CSMD1: variants seen among roughly 807,000 people sequenced by gnomAD.
The protein encoded by CSMD1 is CUB and sushi domain-containing protein 1.
A neutral mutation model predicts 417.5 loss-of-function variants in CSMD1; 213 were observed. That is an observed-to-expected ratio of 0.51 (90% CI 0.46 to 0.57). CSMD1 has a LOEUF of 0.57. Among genes scored for constraint, CSMD1 ranks in the 20% least tolerant of loss-of-function variants. CSMD1 has a pLI of 0.00. For synonymous variants in CSMD1, 2,862 were observed against 1,736.8 expected, an observed-to-expected ratio of 1.65 and a Z score of -16.11; for missense variants, 6,923 against 4,529.7, an observed-to-expected ratio of 1.53 and a Z score of -15.17.
In CSMD1 at chr8:3,276,521, T is replaced by C. The variant is rs542144304; in HGVS notation, c.4153+7623A>G. 1.4e-4 allele frequency among the ~76,000 whole-genome samples: 21 copies of C among 152,158 alleles called. No individual in the cohort carries two copies. The South Asian group carries it at 1.7e-3, about 12-fold the overall frequency. On this transcript the variant is annotated intron_variant, in intron 26 of 69. Coordinates refer to ENST00000635120, the MANE Select transcript of CSMD1 (RefSeq NM_033225.6). ...GAGATCTCATGAGTCTTATTCACTA[T>C]CATGAGAACAGCAGAAGAAAGACCT...
intron 1 of CSMD1, among the ~76,000 whole-genome samples, chr8:4,984,850 A>T (rs1289432395): frequency 6.6e-6 from 1 of 152,046 alleles, no homozygotes; most frequent in Non-Finnish European, 1.5e-5. Flanking sequence ...TAAAAAACAC[A>T]CCCCTGGGTG....
chr8:4,906,874 A>G (rs1333844603), intron 1 of CSMD1, among the ~76,000 whole-genome samples: 1 of 152,062 alleles, frequency 6.6e-6, no homozygotes, highest in African/African-American at 2.4e-5. Context: ...TTCTTTTTTC[A>G]AAGTACCTTT....
At chr8:4,189,653 A>G (rs1206863499) in intron 3 of CSMD1, among the ~76,000 whole-genome samples, 1 of 152,232 alleles carries the variant, frequency 6.6e-6, no homozygotes, top group East Asian at 1.9e-4. Flanking sequence ...GATGTTCTAA[A>G]CCCTTATTTA....
chr8:4,164,859 A>G (rs1419660268), intron 3 of CSMD1, among the ~76,000 whole-genome samples: 1 of 144,396 alleles, frequency 6.9e-6, no homozygotes, highest in Non-Finnish European at 1.5e-5. Flanking sequence ...CCTGAGCAAC[A>G]GAGCAAGACT....
chr8:3,420,536 G>T (rs1429050239), intron 12 of CSMD1, among the ~76,000 whole-genome samples: 1 of 149,432 alleles, frequency 6.7e-6, no homozygotes, highest in Non-Finnish European at 1.5e-5. Flanking sequence ...TAGGGAAACT[G>T]GCTGTGGGGT....
At chr8:3,809,627 G>T (rs138555013) in intron 5 of CSMD1, among the ~76,000 whole-genome samples, 1 of 152,102 alleles carries the variant, frequency 6.6e-6, no homozygotes, top group East Asian at 1.9e-4. Flanking sequence ...GTCTGTCTCT[G>T]GTGGCGGCTA....
chr8:4,992,503 G>T (rs893880264), intron 1 of CSMD1, among the ~76,000 whole-genome samples: 7 of 152,286 alleles, frequency 4.6e-5, no homozygotes, highest in African/African-American at 1.4e-4. Context: ...GAAGTTTTGC[G>T]GAGTTGCGTG....
rs575935655 is a variant in CSMD1, at chr8:3,431,686, A to G, written c.1562-22081T>C. 7.9e-5 allele frequency among the ~76,000 whole-genome samples: 12 copies of G among 152,278 alleles called. 1 individual carries two copies. In the East Asian group the frequency reaches 2.1e-3, roughly 27 times the overall value. The stretch of plus-strand genomic sequence containing the variant: ...TCATGTTTCCGGTAACATATGACCC[A>G]TAGTCTTGCTAAAATTAAGAGGAAA... On this transcript the variant is annotated intron_variant, in intron 12 of 69. Coordinates refer to ENST00000635120, the MANE Select transcript of CSMD1 (RefSeq NM_033225.6).
intron 3 of CSMD1, among the ~76,000 whole-genome samples, chr8:4,190,169 G>A (rs938860909): frequency 1.4e-5 from 2 of 148,132 alleles, no homozygotes; most frequent in East Asian, 4.1e-4. Context: ...TGAGGCAAGA[G>A]AATGGCGTGA....
intron 5 of CSMD1, among the ~76,000 whole-genome samples, chr8:3,945,860 T>G (rs1396482439): frequency 6.6e-6 from 1 of 152,054 alleles, no homozygotes; most frequent in African/African-American, 2.4e-5. Context: ...TAGTGAATCA[T>G]TATTCCAGAA....
In CSMD1 at chr8:3,308,437, C is replaced by A. The variant is rs763737608; in HGVS notation, c.3698G>T (p.Gly1233Val). Residue 1233 changes from glycine to valine, a missense_variant, in exon 24 of 70, where the codon GGC (glycine) becomes GTC (valine). By Grantham distance (109) the Gly-to-Val change is moderately radical (BLOSUM62 -3). Coordinates refer to ENST00000635120, the MANE Select transcript of CSMD1 (RefSeq NM_033225.6). ...PNYGYRIRDE[G>V]HFTDTVVLYS... ...CAGAACTACAGTGTCGGTAAAGTGG[C>A]CTTCATCACGGATCCTATAGCCGTA... 1 of 1,613,794 alleles carries A rather than the reference C, an allele frequency of 6.2e-7. No homozygotes were observed. The highest frequency in any genetic ancestry group is 1.1e-5 in the South Asian group (1 of 91,046).
chr8:4,455,640 C>A (rs996732262), intron 2 of CSMD1, among the ~76,000 whole-genome samples: 2 of 151,716 alleles, frequency 1.3e-5, no homozygotes, highest in Non-Finnish European at 2.9e-5. Flanking sequence ...AAACATAAAA[C>A]GCAATTGAGG....
At chr8:4,739,426 C>G (rs1810456301) in intron 1 of CSMD1, among the ~76,000 whole-genome samples, 1 of 152,182 alleles carries the variant, frequency 6.6e-6, no homozygotes, top group African/African-American at 2.4e-5. Flanking sequence ...TCCCAACTCT[C>G]TACAATATAA....
rs114473803 is a variant in CSMD1, at chr8:4,091,575, C to G, written c.416-59476G>C. Among the ~76,000 whole-genome samples, 603 of 152,288 alleles carry G rather than the reference C, an allele frequency of 4.0e-3. 2 individuals are homozygous for G. The highest frequency in any genetic ancestry group is 0.014 in the African/African-American group (584 of 41,560). On this transcript the variant is annotated intron_variant, in intron 3 of 69. Coordinates refer to ENST00000635120, the MANE Select transcript of CSMD1 (RefSeq NM_033225.6). ...GTGGCCACCGCTCCTTTCTATCCCT[C>G]AGTATTATAATTGTAGGACATACAC...
intron 1 of CSMD1, among the ~76,000 whole-genome samples, chr8:4,872,448 G>A (rs1249271434): frequency 1.3e-5 from 2 of 152,020 alleles, no homozygotes; most frequent in Admixed American, 1.3e-4. Context: ...GGTTTTATAA[G>A]AGGATTCCTC....
At chr8:4,966,401 A>G (rs750570749) in intron 1 of CSMD1, among the ~76,000 whole-genome samples, 35 of 151,974 alleles carry the variant, frequency 2.3e-4, no homozygotes, top group Non-Finnish European at 4.3e-4. Context: ...AACAACAAAA[A>G]AAGAGTTCCA....
intron 1 of CSMD1, among the ~76,000 whole-genome samples, chr8:4,728,101 G>C (rs994261172): frequency 2.1e-5 from 3 of 145,638 alleles, no homozygotes; most frequent in Admixed American, 1.4e-4. Flanking sequence ...TGTACATTTG[G>C]TATATTTGGT....
At chr8:3,646,774 G>C (rs934866202) in intron 7 of CSMD1, among the ~76,000 whole-genome samples, 3 of 152,088 alleles carry the variant, frequency 2.0e-5, no homozygotes, top group African/African-American at 7.2e-5. Context: ...ATAACCACCA[G>C]GGGCATCCGT....
At chr8:4,930,535 T>C (rs1807177370) in intron 1 of CSMD1, among the ~76,000 whole-genome samples, 1 of 152,136 alleles carries the variant, frequency 6.6e-6, no homozygotes, top group Admixed American at 6.5e-5. Context: ...AGTAAGCCAA[T>C]TCCTTGCAGC....
Sources: allele counts gnomAD v4.1 joint callset (sites outside exome capture counted in the v4.1 genomes callset), GRCh38; gene constraint gnomAD v4.1.1; transcripts MANE v1.5; gene names NCBI Gene and HGNC (gene_info 2026-07-23, HGNC 2026-07-21).